The following SDK1 variants were observed in gnomAD, a reference collection of about 807,000 sequenced individuals.
SDK1 encodes sidekick cell adhesion molecule 1.
Under a neutral mutation model 245.5 loss-of-function variants are expected in SDK1, and 157 were observed. That is an observed-to-expected ratio of 0.64 (90% CI 0.56 to 0.73). The LOEUF (loss-of-function observed/expected upper bound fraction) is 0.73. Ranked by LOEUF, SDK1 falls within the 30% of genes least tolerant of loss-of-function variation. The pLI, the probability that SDK1 is intolerant of heterozygous loss-of-function variation, is 0.00. For missense variants in SDK1, 3,583 were observed against 3,002.3 expected, an observed-to-expected ratio of 1.19 and a Z score of -4.52; for synonymous variants, 1,647 against 1,278.5, an observed-to-expected ratio of 1.29 and a Z score of -6.15.
intron 32 of SDK1, among the ~76,000 whole-genome samples, chr7:4,172,107 C>T (rs1781880017): frequency 2.6e-5 from 4 of 152,158 alleles, no homozygotes; most frequent in Non-Finnish European, 5.9e-5. Flanking sequence ...TCAGTTGTTC[C>T]CGTTATGCTT....
intron 4 of SDK1, among the ~76,000 whole-genome samples, chr7:3,691,823 C>T (rs1237859531): frequency 6.6e-6 from 1 of 152,120 alleles, no homozygotes; most frequent in Admixed American, 6.6e-5. Context: ...CTTACTCATT[C>T]AGACAGCGTG....
At chr7:4,129,124 G>T (rs1288950576) in intron 26 of SDK1, among the ~76,000 whole-genome samples, 1 of 135,700 alleles carries the variant, frequency 7.4e-6, no homozygotes, top group Non-Finnish European at 1.6e-5. Flanking sequence ...AGCTTGGGGT[G>T]GGGTCCCCTG....
intron 4 of SDK1, among the ~76,000 whole-genome samples, chr7:3,700,712 T>G (rs1047341911): frequency 3.3e-5 from 5 of 152,188 alleles, no homozygotes; most frequent in Admixed American, 6.5e-5. Context: ...ATAATTATAG[T>G]AAGTGTAAAT....
At position 4,204,709 on chromosome 7, in the gene SDK1, C is replaced by T. The variant is rs142308025; in HGVS notation, c.5099-1170C>T. 2.2e-4 allele frequency among the ~76,000 whole-genome samples: 33 copies of T among 152,318 alleles called. 1 individual carries two copies. In the East Asian group the frequency reaches 6.2e-3, roughly 29 times the overall value. On this transcript the variant is annotated intron_variant, in intron 35 of 44. Transcript: ENST00000404826. ...CCTGGGCCGCAGCCCCGGCGGCAGG[C>T]GGAGAGGAGTGCTCGGCTGGCCTCT...
chr7:3,423,363 A>G lies in SDK1; in HGVS notation c.298+121479A>G, dbSNP rs186529218. On this transcript the variant is annotated intron_variant, in intron 1 of 44. Coordinates refer to ENST00000404826, the MANE Select transcript of SDK1 (RefSeq NM_152744.4). ...TTGTATGATTCCTGTCAAAAGAACA[A>G]TGAACTTTTGAGCAGATTGGCTGAG... Among the ~76,000 whole-genome samples, 73 of 152,374 alleles carry G rather than the reference A, an allele frequency of 4.8e-4. 1 individual carries two copies. The highest frequency in any genetic ancestry group is 2.8e-3 in the Admixed American group (43 of 15,306).
At chr7:4,254,627 C>A (rs1397382066) in intron 44 of SDK1, among the ~76,000 whole-genome samples, 1 of 149,002 alleles carries the variant, frequency 6.7e-6, no homozygotes, top group African/African-American at 2.5e-5. Context: ...CAGAAGCTAC[C>A]TTCTTTTTTT....
At chr7:3,620,190 CG>C (rs757740249) in intron 2 of SDK1, among the ~76,000 whole-genome samples, 58 of 152,054 alleles carry the variant, frequency 3.8e-4, no homozygotes, top group Non-Finnish European at 6.6e-4. Context: ...GGTTGTGATA[CG>C]GTGGTCCGTG....
At chr7:3,356,734 G>C (rs1780805651) in intron 1 of SDK1, among the ~76,000 whole-genome samples, 1 of 151,992 alleles carries the variant, frequency 6.6e-6, no homozygotes, top group African/African-American at 2.4e-5. Context: ...GGGAATTTTA[G>C]AGATCCCTGC....
At chr7:4,211,340 G>A (rs1436365727) in intron 38 of SDK1, among the ~76,000 whole-genome samples, 3 of 152,162 alleles carry the variant, frequency 2.0e-5, no homozygotes, top group Admixed American at 2.0e-4. Flanking sequence ...GGAGGAGAAC[G>A]GGTGGCAGAG....
rs554332556 is a variant in SDK1, at chr7:4,008,988, G to A, written c.2132-1978G>A. ...GAGCCACCATACTGTTGTCTGTAGC[G>A]GCTATACCATTTTATATTCAGAACA... On this transcript the variant is annotated intron_variant, in intron 14 of 44. Transcript: ENST00000404826. Among the ~76,000 whole-genome samples, 11 of 152,274 alleles carry A rather than the reference G, an allele frequency of 7.2e-5. No individual in the cohort carries two copies. The South Asian group carries it at 1.5e-3, about 20-fold the overall frequency.
Position 3,917,275 on chromosome 7 carries a change from A to G in SDK1, c.848-33648A>G, listed in dbSNP as rs567217865. ...TGTCTCTATTTCCAAGTCAGCATTC[A>G]TTATGCACTTAGCTAATATTTATTG... On this transcript the variant is annotated intron_variant, in intron 5 of 44. Coordinates refer to ENST00000404826, the MANE Select transcript of SDK1 (RefSeq NM_152744.4). Among the ~76,000 whole-genome samples, 46 of 152,316 alleles carry G rather than the reference A, an allele frequency of 3.0e-4. No homozygotes were observed. The South Asian group carries it at 9.1e-3, about 30-fold the overall frequency.
At chr7:3,841,659 T>TGGGTTCAAGCGATTCTTCTCAGCCTCCC (rs1216903023) in intron 5 of SDK1, among the ~76,000 whole-genome samples, 11 of 151,946 alleles carry the variant, frequency 7.2e-5, no homozygotes, top group Non-Finnish European at 1.3e-4. Flanking sequence ...CTTCGCCTCC[T>TGGGTTCAAGCGATTCTTCTCAGCCTCCC]GGGTTCAAGC....
intron 1 of SDK1, among the ~76,000 whole-genome samples, chr7:3,425,694 A>T (rs1318007419): frequency 6.6e-6 from 1 of 152,252 alleles, no homozygotes; most frequent in East Asian, 1.9e-4. Context: ...GATTCTTATG[A>T]TAAAATGATC....
chr7:3,693,441 A>C (rs1202034672), intron 4 of SDK1, among the ~76,000 whole-genome samples: 1 of 152,188 alleles, frequency 6.6e-6, no homozygotes, highest in African/African-American at 2.4e-5. Flanking sequence ...CATTAAAAGT[A>C]TAAATCGGTT....
intron 1 of SDK1, among the ~76,000 whole-genome samples, chr7:3,450,735 C>T (rs1462146323): frequency 6.6e-6 from 1 of 152,026 alleles, no homozygotes; most frequent in Non-Finnish European, 1.5e-5. Context: ...GAGATTTTGA[C>T]ATTATCAGTG....
intron 2 of SDK1, among the ~76,000 whole-genome samples, chr7:3,631,640 C>G (rs74900972): frequency 0.011 from 1,619 of 152,292 alleles, 33 homozygotes; most frequent in African/African-American, 0.037. Context: ...TTCAGTTTGA[C>G]TGCTTTTTGG....
intron 4 of SDK1, among the ~76,000 whole-genome samples, chr7:3,748,925 C>A (rs1175236115): frequency 2.6e-5 from 4 of 152,104 alleles, no homozygotes; most frequent in African/African-American, 9.7e-5. Context: ...TACAGGAATT[C>A]ATTGACAATA....
chr7:3,495,289 G>A (rs957688833), intron 1 of SDK1, among the ~76,000 whole-genome samples: 11 of 122,680 alleles, frequency 9.0e-5, no homozygotes, highest in African/African-American at 2.9e-4. Flanking sequence ...GCGGAGTCTC[G>A]CTCTGCCACC....
chr7:3,743,571 C>G (rs958032529), intron 4 of SDK1, among the ~76,000 whole-genome samples: 1 of 152,048 alleles, frequency 6.6e-6, no homozygotes, highest in Non-Finnish European at 1.5e-5. Context: ...ATGGGTGTGC[C>G]GGGATACAGA....
Sources: gnomAD v4.1 joint callset for allele counts (sites outside exome capture counted in the v4.1 genomes callset) on GRCh38, gnomAD v4.1.1 for gene constraint, MANE v1.5 for transcripts, NCBI Gene and HGNC (gene_info 2026-07-23, HGNC 2026-07-21) for gene names.